UQCRC2: variants seen among roughly 807,000 people sequenced by gnomAD.
UQCRC2 encodes the protein cytochrome b-c1 complex subunit 2, mitochondrial.
A neutral mutation model predicts 55.6 loss-of-function variants in UQCRC2; 49 were observed. The observed-to-expected ratio is 0.88, with a 90% CI of 0.70 to 1.12. The LOEUF (loss-of-function observed/expected upper bound fraction) is 1.12. Ranked by LOEUF, UQCRC2 falls within the 50% of genes most tolerant of loss-of-function variation. UQCRC2 has a pLI of 0.00. For synonymous variants in UQCRC2, 193 were observed against 192.0 expected (o/e 1.01, Z -0.04); for missense variants, 506 against 547.8 (o/e 0.92, Z 0.76).
rs1898300183 is a variant in UQCRC2, at chr16:21,965,341, T to A, written c.515-67T>A. ...AAATTTGTATAGGCTTGTTGCTTTC[T>A]AGGTTTTAAAAATGTTGTCTTTACT... On this transcript the variant is annotated intron_variant, in intron 6 of 13. Transcript: ENST00000268379. The A allele has an allele frequency of 2.7e-6, 4 of 1,482,934 alleles. No individual in the cohort carries two copies. The South Asian group carries it at 4.6e-5, about 17-fold the overall frequency. 91.9% of individuals were successfully genotyped at this position (1,482,934 alleles called of 1,614,324 possible).
At chr16:21,970,125 T>C (rs1386241219) in intron 8 of UQCRC2, among the ~76,000 whole-genome samples, 1 of 152,202 alleles carries the variant, frequency 6.6e-6, no homozygotes, top group Non-Finnish European at 1.5e-5. Context: ...GGTCCGTCCA[T>C]ATTGTAGCAT....
rs751608951 is a variant in UQCRC2 at position 21,965,512 on chromosome 16, A to G, written c.612+7A>G. 2.6e-6 allele frequency: 4 copies of G among 1,556,732 alleles called. No homozygotes were observed. Among genetic ancestry groups the G allele is most frequent in the African/African-American group, 2.8e-5 (2 of 72,180 alleles). On this transcript the variant is annotated splice_region_variant and intron_variant, in intron 7 of 13. Coordinates refer to ENST00000268379, the MANE Select transcript of UQCRC2 (RefSeq NM_003366.4). ...AAAAGTGACATCAGAGGAGGTACCA[A>G]TAAAACATATTTTGAAATGTGCTTG...
intron 10 of UQCRC2, 40 bp from the exon 11 acceptor site, chr16:21,973,856 T>A (rs752216453): frequency 6.3e-7 from 1 of 1,587,060 alleles, no homozygotes; most frequent in East Asian, 2.2e-5. Flanking sequence ...CCTGTTTTAC[T>A]TGGTAGAATA....
chr16:21,953,632 C>G (rs940550691), intron 1 of UQCRC2, among the ~76,000 whole-genome samples, 176 bp downstream of exon 1: 2 of 152,154 alleles, frequency 1.3e-5, no homozygotes, highest in African/African-American at 4.8e-5. Flanking sequence ...CCAGCTCATG[C>G]TGTGAGCACA....
intron 12 of UQCRC2, among the ~76,000 whole-genome samples, chr16:21,979,060 T>C (rs529669913): frequency 5.2e-4 from 79 of 152,148 alleles, no homozygotes; most frequent in Non-Finnish European, 9.4e-4. Context: ...GTATCCTCCA[T>C]CCAAGAAGAG....
At chr16:21,965,272 A>G in intron 6 of UQCRC2, 136 bp from the exon 7 acceptor site, 2 of 696,916 alleles carry the variant, frequency 2.9e-6, no homozygotes, top group South Asian at 3.5e-5. Context: ...TTAAATAATA[A>G]TAAATTTTAA....
At position 21,980,675 on chromosome 16, in the gene UQCRC2, C is replaced by G; in HGVS notation, c.1253C>G (p.Ser418Ter). Residue 418 changes from serine to a stop codon, truncating the protein, a stop_gained, in exon 13 of 14, where the codon TCA becomes TGA. Coordinates refer to ENST00000268379, the MANE Select transcript of UQCRC2 (RefSeq NM_003366.4). LOFTEE classifies it high-confidence loss of function. ...TCCACAGTCCTTCAGCAGATTGATT[C>G]AGTGGCTAATGCTGATATCATAAAT... ...PPSTVLQQID[S>*]VANADIINAA... 1 of 1,614,052 alleles carries G rather than the reference C, an allele frequency of 6.2e-7. No individual in the cohort carries two copies.
At chr16:21,957,122 G>C (rs1010854430) in intron 1 of UQCRC2, 113 bp from the exon 2 acceptor site, 3 of 905,110 alleles carry the variant, frequency 3.3e-6, no homozygotes, top group Non-Finnish European at 5.0e-6. Flanking sequence ...GGTGGTTATT[G>C]CTCCTTCCAC....
rs755032903 is a variant in UQCRC2 at position 21,962,749 on chromosome 16, T to C, written c.390-12T>C. On this transcript the variant is annotated splice_polypyrimidine_tract_variant and intron_variant, in intron 5 of 13. Transcript: ENST00000268379. ...TTTTGACTCATAATTCTTATCTCGA[T>C]GTCTTCTGTAGTGATATTCTAATGG... is the stretch of plus-strand genomic sequence containing the variant. The C allele has an allele frequency of 6.2e-7, 1 of 1,613,996 alleles. No individual in the cohort carries two copies. Among genetic ancestry groups the C allele is most frequent in the Non-Finnish European group, 8.5e-7 (1 of 1,179,940 alleles).
chr16:21,969,861 C>G (rs1898416871), intron 8 of UQCRC2, among the ~76,000 whole-genome samples: 1 of 151,756 alleles, frequency 6.6e-6, no homozygotes. Context: ...ATCCACTAAT[C>G]TACTTTGTTT....
At chr16:21,982,371 T>C (rs1898754014) in intron 13 of UQCRC2, among the ~76,000 whole-genome samples, 1 of 152,198 alleles carries the variant, frequency 6.6e-6, no homozygotes, top group African/African-American at 2.4e-5. Flanking sequence ...GTTTTACTTT[T>C]AAGTTAACAA....
chr16:21,977,605 C>T (rs779955146), intron 12 of UQCRC2, among the ~76,000 whole-genome samples: 4 of 152,170 alleles, frequency 2.6e-5, no homozygotes, highest in East Asian at 1.9e-4. Flanking sequence ...ATTAGTAGTT[C>T]GAGGGTTTCT....
chr16:21,963,544 G>A (rs561046889), intron 6 of UQCRC2, among the ~76,000 whole-genome samples: 1 of 151,884 alleles, frequency 6.6e-6, no homozygotes, highest in African/African-American at 2.4e-5. Context: ...TCTCACTGCA[G>A]CCTGAACCTT....
chr16:21,963,757 C>T (rs1025399940), intron 6 of UQCRC2, among the ~76,000 whole-genome samples: 1 of 152,202 alleles, frequency 6.6e-6, no homozygotes, highest in Non-Finnish European at 1.5e-5. Flanking sequence ...GCGTGAGCCA[C>T]TGTGCCTGAC....
At chr16:21,973,358 C>T (rs921474488) in intron 10 of UQCRC2, among the ~76,000 whole-genome samples, 1 of 151,970 alleles carries the variant, frequency 6.6e-6, no homozygotes, top group African/African-American at 2.4e-5. Context: ...TCGGGTTCAC[C>T]CTAGAGAGCT....
At chr16:21,979,084 CAAGGAAAAGGCAA>C (rs1898653460) in intron 12 of UQCRC2, among the ~76,000 whole-genome samples, 1 of 152,150 alleles carries the variant, frequency 6.6e-6, no homozygotes, top group Non-Finnish European at 1.5e-5. Context: ...CCACTTCATA[CAAGGAAAAGGCAA>C]AAGGAAAAGG....
chr16:21,980,840 G>A (rs1898707324), intron 13 of UQCRC2, 140 bp downstream of exon 13: 1 of 971,292 alleles, frequency 1.0e-6, no homozygotes, highest in Non-Finnish European at 1.5e-6. Context: ...AGGCAGGAGG[G>A]CTCATTCCCA....
At chr16:21,963,912 T>C (rs1027143150) in intron 6 of UQCRC2, among the ~76,000 whole-genome samples, 2 of 152,264 alleles carry the variant, frequency 1.3e-5, no homozygotes. Context: ...TAACTTAATT[T>C]TTTTAATAGG....
At position 21,976,237 on chromosome 16, in the gene UQCRC2, C is replaced by T; in HGVS notation, c.1118C>T (p.Ala373Val). Residue 373 changes from alanine (A) to valine (V), a missense_variant, in exon 12 of 14, where the codon GCT becomes GTT. By Grantham distance (64) the Ala-to-Val change is moderately conservative. Coordinates refer to ENST00000268379, the MANE Select transcript of UQCRC2 (RefSeq NM_003366.4). Reference protein sequence around the residue: ...QGNLSNTDVQAAKNKLKAGYL... With the variant: ...QGNLSNTDVQVAKNKLKAGYL... ...AACCTTTCCAACACAGATGTCCAAG[C>T]TGCCAAGTAAGTCTCAGTATTAACT... The T allele has an allele frequency of 6.2e-7, 1 of 1,612,850 alleles. No individual in the cohort carries two copies. Among genetic ancestry groups the T allele is most frequent in the Admixed American group, 1.7e-5 (1 of 60,024 alleles).
Sources: gnomAD v4.1 joint callset for allele counts (sites outside exome capture counted in the v4.1 genomes callset) on GRCh38, gnomAD v4.1.1 for gene constraint, MANE v1.5 for transcripts, NCBI Gene and HGNC (gene_info 2026-07-23, HGNC 2026-07-21) for gene names.